The following FAM228B variants were observed in gnomAD, a reference collection of about 807,000 sequenced individuals.
The protein encoded by FAM228B is family with sequence similarity 228 member B, also known as protein FAM228B.
Under a neutral mutation model 42.6 loss-of-function variants are expected in FAM228B, and 38 were observed. That is an observed-to-expected ratio of 0.89 (90% CI 0.69 to 1.17). The LOEUF is 1.17. Ranked by LOEUF, FAM228B falls within the 50% of genes most tolerant of loss-of-function variation. FAM228B has a pLI of 0.00. For synonymous variants in FAM228B, 109 were observed against 122.3 expected, an observed-to-expected ratio of 0.89 and a Z score of 0.72; for missense variants, 344 against 367.3, an observed-to-expected ratio of 0.94 and a Z score of 0.52.
intron 2 of FAM228B, among the ~76,000 whole-genome samples, chr2:24,089,843 C>T (rs983732987): frequency 3.3e-5 from 5 of 151,856 alleles, no homozygotes; most frequent in East Asian, 1.9e-4. Context: ...GGTGTGGTGG[C>T]GCATCCCTGT....
chr2:24,146,827 G>C lies in FAM228B; in HGVS notation c.521G>C (p.Cys174Ser). ...KDNEKRTLLQ[C>S]ETGKIYSIKE... is the part of the protein sequence containing the mutation. Reference sequence around the variant, plus strand: ...AACGAAAAAAGAACTCTTCTTCAGTGTGAGACTGGTACTTAGTTCCTAATT... The same window carrying C: ...AACGAAAAAAGAACTCTTCTTCAGTCTGAGACTGGTACTTAGTTCCTAATT... The change falls in exon 6 of 11, where the codon TGT (cysteine) becomes TCT (serine). Residue 174 changes from cysteine (C) to serine (S), a missense_variant. Physicochemically the swap from Cys to Ser is moderately radical, Grantham distance 112 (BLOSUM62 -1). Transcript: ENST00000615575. 1.3e-6 allele frequency: 2 copies of C among 1,546,454 alleles called. No individual in the cohort carries two copies. Among genetic ancestry groups the C allele is most frequent in the South Asian group, 2.4e-5 (2 of 83,894 alleles).
At position 24,159,523 on chromosome 2, in the gene FAM228B, T is replaced by C. The variant is rs1371018641; in HGVS notation, c.687-1983T>C. Among the ~76,000 whole-genome samples the C allele has an allele frequency of 5.3e-5, 8 of 152,370 alleles. No individual in the cohort carries two copies. The South Asian group carries it at 1.7e-3, about 32-fold the overall frequency. ...ATTTAAATCACTCAATGCTTTGTTT[T>C]ATAATTTTATTAATTTAATAAATGA... On this transcript the variant is annotated intron_variant, in intron 7 of 10. Coordinates refer to ENST00000615575, the MANE Select transcript of FAM228B (RefSeq NM_001145710.2).
intron 7 of FAM228B, among the ~76,000 whole-genome samples, chr2:24,147,416 C>CT (rs1434404767): frequency 6.6e-6 from 1 of 151,530 alleles, no homozygotes; most frequent in Admixed American, 6.6e-5. Flanking sequence ...GGTTTTATGT[C>CT]TTTTATTATT....
intron 2 of FAM228B, chr2:24,082,865 G>A (rs758048732): frequency 1.3e-6 from 2 of 1,588,010 alleles, no homozygotes; most frequent in South Asian, 1.1e-5. Flanking sequence ...TGTGTGGAGT[G>A]AGCATGGAGG....
At position 24,124,356 on chromosome 2, in the gene FAM228B, A is replaced by G; in HGVS notation, c.-6A>G. The G allele has an allele frequency of 6.5e-7, 1 of 1,533,846 alleles. No homozygotes were observed. The highest frequency in any genetic ancestry group is 8.8e-7 in the Non-Finnish European group (1 of 1,137,808). ...TTTTCCAGGGGCATTGTTATTTGTG[A>G]CCACAATGAAAAATGTAGACAGTGA... On this transcript the variant is annotated 5_prime_UTR_variant, in exon 2 of 11. Transcript: ENST00000615575.
chr2:24,113,050 A>C (rs546202110), intron 3 of FAM228B, among the ~76,000 whole-genome samples: 2 of 152,240 alleles, frequency 1.3e-5, no homozygotes, highest in South Asian at 4.1e-4. Flanking sequence ...AGCATTTATC[A>C]TGTGGTCATG....
In FAM228B at chr2:24,080,096, C is replaced by T. The variant is rs532845132; in HGVS notation, c.-289-780C>T. 6.6e-6 allele frequency among the ~76,000 whole-genome samples: 1 copy of T among 152,310 alleles called. No homozygotes were observed. The highest frequency in any genetic ancestry group is 2.1e-4 in the South Asian group (1 of 4,828). On this transcript the variant is annotated intron_variant, in intron 1 of 10. Transcript: ENST00000613899. The surrounding 1 kb of genome is among the most constrained non-coding windows in gnomAD (Gnocchi z 4.7). ...TGGAGGCCAGGCATGGTGGCTCATG[C>T]CTGTAATCCCAGTACTTTGGGAGGC...
chr2:24,163,102 TAAAA>T (rs1667320872), intron 8 of FAM228B, among the ~76,000 whole-genome samples: 1 of 152,156 alleles, frequency 6.6e-6, no homozygotes, highest in African/African-American at 2.4e-5. Context: ...ATAATAATAA[TAAAA>T]AAGGAACCTA....
chr2:24,097,770 G>C (rs1433941020), intron 3 of FAM228B, among the ~76,000 whole-genome samples: 1 of 152,164 alleles, frequency 6.6e-6, no homozygotes, highest in Admixed American at 6.5e-5. Context: ...ACTCAGCCCT[G>C]CAACAAGCAG....
intron 7 of FAM228B, among the ~76,000 whole-genome samples, chr2:24,147,855 C>A (rs1240167850): frequency 6.7e-6 from 1 of 150,198 alleles, no homozygotes; most frequent in African/African-American, 2.4e-5. Context: ...ATGTTAGGGT[C>A]ATTTATGAAT....
At chr2:24,167,588 C>G (rs1214415917) in intron 9 of FAM228B, 39 bp from the exon 10 acceptor site, 1 of 1,550,712 alleles carries the variant, frequency 6.4e-7, no homozygotes, top group African/African-American at 1.4e-5. Context: ...TGGCCAGTCT[C>G]GTATAACATA....
chr2:24,119,436 T>G (rs138629086), upstream of FAM228B: 248 of 606,506 alleles, frequency 4.1e-4, no homozygotes, highest in African/African-American at 4.1e-3. Context: ...GTCCTTCCAG[T>G]GGCTATGTAA....
In FAM228B at chr2:24,129,842, G is replaced by C. The variant is rs560370496; in HGVS notation, c.100-5277G>C. Among the ~76,000 whole-genome samples the C allele has an allele frequency of 9.9e-5, 15 of 152,098 alleles. No homozygotes were observed. The South Asian group carries it at 2.9e-3, about 30-fold the overall frequency. ...TTTTACTTTAAGTTCTGAGATACAAGTGCAGGACGTGCAGGTTTGTTACAT... is the reference window on the plus strand; with the variant it reads ...TTTTACTTTAAGTTCTGAGATACAACTGCAGGACGTGCAGGTTTGTTACAT... On this transcript the variant is annotated intron_variant, in intron 2 of 10. Coordinates refer to ENST00000615575, the MANE Select transcript of FAM228B (RefSeq NM_001145710.2).
Position 24,153,950 on chromosome 2 carries a change from C to T in FAM228B, c.686+6864C>T, listed in dbSNP as rs572083032. Among the ~76,000 whole-genome samples, 11 of 152,308 alleles carry T rather than the reference C, an allele frequency of 7.2e-5. 1 individual carries two copies. Among genetic ancestry groups the T allele is most frequent in the Middle Eastern group, 3.4e-3 (1 of 294 alleles). On this transcript the variant is annotated intron_variant, in intron 7 of 10. Transcript: ENST00000615575. Reference sequence around the variant, plus strand: ...GCTTCCTGAGCGGGTGCTGGCTGAGCCCAGCATGGCTTTATTCTCTGTTGT... The same window carrying T: ...GCTTCCTGAGCGGGTGCTGGCTGAGTCCAGCATGGCTTTATTCTCTGTTGT...
At chr2:24,106,755 C>G (rs1165164562) in intron 3 of FAM228B, among the ~76,000 whole-genome samples, 1 of 151,784 alleles carries the variant, frequency 6.6e-6, no homozygotes, top group Non-Finnish European at 1.5e-5. Flanking sequence ...TCCACCAGAT[C>G]TGCCTTATGA....
intron 3 of FAM228B, chr2:24,115,293 GT>G: frequency 2.6e-6 from 1 of 387,072 alleles, no homozygotes. Context: ...AGCAAGGTGT[GT>G]AGGAGTACAA....
At position 24,084,073 on chromosome 2, in the gene FAM228B, C is replaced by G. The variant is rs890240641; in HGVS notation, c.-210+3118C>G. The G allele has an allele frequency of 2.8e-6, 4 of 1,424,304 alleles. No individual in the cohort carries two copies. The highest frequency in any genetic ancestry group is 3.7e-6 in the Non-Finnish European group (4 of 1,085,442). The allele number at this position is 1,424,304 out of a possible 1,614,324, so 88.2% of individuals were successfully genotyped here. A position where few individuals can be genotyped will look rare whatever the true frequency, so the allele number is the denominator to read the frequency against. ...TTAGGTCTGGGAAGCCCCAGCGCAGCTGCCTGCTGGGTGTGGAGCGGTGCA... is the reference window on the plus strand; with the variant it reads ...TTAGGTCTGGGAAGCCCCAGCGCAGGTGCCTGCTGGGTGTGGAGCGGTGCA... On this transcript the variant is annotated intron_variant, in intron 2 of 10. Coordinates refer to the FAM228B transcript ENST00000613899. This position sits in a 1 kb window ranked among gnomAD's most constrained non-coding sequence, Gnocchi z 8.4.
At chr2:24,132,729 G>T (rs1666486544) in intron 2 of FAM228B, among the ~76,000 whole-genome samples, 1 of 151,596 alleles carries the variant, frequency 6.6e-6, no homozygotes. Context: ...TTACATTTTG[G>T]ACATTATGAA....
chr2:24,146,194 A>G (rs910176157), intron 5 of FAM228B, among the ~76,000 whole-genome samples: 24 of 152,172 alleles, frequency 1.6e-4, no homozygotes, highest in Non-Finnish European at 1.0e-4. Flanking sequence ...CTTGTGGTAG[A>G]ATTTCACTGA....
Sources: gnomAD v4.1 joint callset for allele counts (sites outside exome capture counted in the v4.1 genomes callset) on GRCh38, gnomAD v4.1.1 for gene constraint, Gnocchi (gnomAD v3.1) non-coding constraint, MANE v1.5 for transcripts, NCBI Gene and HGNC (gene_info 2026-07-23, HGNC 2026-07-21) for gene names.